SENP7: variants seen among roughly 807,000 people sequenced by gnomAD.
SENP7 encodes the protein SUMO specific peptidase 7.
SENP7 carries 64 observed loss-of-function variants against 141.2 expected under a neutral mutation model. The ratio of observed to expected loss-of-function variants is 0.45; its 90% CI spans 0.37 to 0.56. The LOEUF (loss-of-function observed/expected upper bound fraction) is 0.56, where lower values mean the gene tolerates loss of function less well. Ranked by LOEUF, SENP7 falls within the 20% of genes least tolerant of loss-of-function variation. The pLI, the probability that SENP7 is intolerant of heterozygous loss-of-function variation, is 0.00. For missense variants in SENP7, 1,025 were observed against 1,212.2 expected, an observed-to-expected ratio of 0.85 and a Z score of 2.29; for synonymous variants, 382 against 426.4, an observed-to-expected ratio of 0.90 and a Z score of 1.28.
intron 3 of SENP7, among the ~76,000 whole-genome samples, chr3:101,485,562 G>C (rs1349652939): frequency 6.6e-6 from 1 of 152,136 alleles, no homozygotes; most frequent in Non-Finnish European, 1.5e-5. Flanking sequence ...AAAAGGGGGA[G>C]AGTACTACAT....
At chr3:101,452,918 GTGAACAGGCAACCTACAGAA>G (rs1182743699) in intron 4 of SENP7, among the ~76,000 whole-genome samples, 1 of 152,184 alleles carries the variant, frequency 6.6e-6, no homozygotes, top group African/African-American at 2.4e-5. Flanking sequence ...TACCATCAGA[GTGAACAGGCAACCTACAGAA>G]TGGGAGAAAA....
chr3:101,506,135 T>C (rs1438997610), intron 1 of SENP7, among the ~76,000 whole-genome samples: 1 of 151,534 alleles, frequency 6.6e-6, no homozygotes, highest in Admixed American at 6.6e-5. Context: ...ATTCTCCCGC[T>C]TCAGCCTCCC....
intron 11 of SENP7, among the ~76,000 whole-genome samples, chr3:101,353,920 ATTAAT>A (rs1218367079): frequency 6.6e-6 from 1 of 152,012 alleles, no homozygotes; most frequent in African/African-American, 2.4e-5. Flanking sequence ...TGGAGAATAA[ATTAAT>A]TTAATTCTCT....
At chr3:101,446,357 A>G (rs1301533020) in intron 4 of SENP7, among the ~76,000 whole-genome samples, 1 of 152,180 alleles carries the variant, frequency 6.6e-6, no homozygotes, top group African/African-American at 2.4e-5. Flanking sequence ...CTCTTTGAAC[A>G]CTAAACAGAT....
rs2058963316 is a variant in SENP7, at chr3:101,328,499, T to A, written c.2843A>T (p.Asn948Ile). The change falls in exon 22 of 24, where the codon AAC becomes ATC. Residue 948 changes from asparagine to isoleucine, a missense_variant. Asn to Ile is a moderately radical substitution (Grantham distance 149). Transcript: ENST00000394095. ...TTACTCTCGTAAATTCTGAACTGTG[T>A]TTTGTACAGAAGCAGCTTTCAAGGA... is the stretch of plus-strand genomic sequence containing the variant. ...LDSLKAASVQNTVQNLREYLE... is the reference protein window; with the variant it reads ...LDSLKAASVQITVQNLREYLE... The A allele has an allele frequency of 6.2e-7, 1 of 1,612,426 alleles. No homozygotes were observed. The highest frequency in any genetic ancestry group is 8.5e-7 in the Non-Finnish European group (1 of 1,179,018).
intron 5 of SENP7, among the ~76,000 whole-genome samples, chr3:101,407,329 G>C (rs934049890): frequency 6.6e-6 from 1 of 152,052 alleles, no homozygotes; most frequent in Non-Finnish European, 1.5e-5. Flanking sequence ...CAGCAACACA[G>C]TAATAGTAGG....
At chr3:101,441,022 C>T (rs1432698496) in intron 4 of SENP7, among the ~76,000 whole-genome samples, 4 of 152,094 alleles carry the variant, frequency 2.6e-5, no homozygotes, top group Non-Finnish European at 4.4e-5. Context: ...GAGGCCTGCC[C>T]AGCTCACCAC....
At position 101,347,901 on chromosome 3, in the gene SENP7, T is replaced by C. The variant is rs1277369714; in HGVS notation, c.1808A>G (p.Gln603Arg). The C allele has an allele frequency of 4.4e-6, 7 of 1,594,870 alleles. No individual in the cohort carries two copies. Among genetic ancestry groups the C allele is most frequent in the Non-Finnish European group, 5.1e-6 (6 of 1,168,610 alleles). The change falls in exon 13 of 24, where the codon CAA (glutamine) becomes CGA (arginine). Residue 603 changes from glutamine to arginine, a missense_variant. By Grantham distance (43) the Gln-to-Arg change is conservative. Around this residue, in one of 4 missense-constraint regions of SENP7, gnomAD observed 228 missense variants for 228.5 expected, o/e 1.00. Coordinates refer to ENST00000394095, the MANE Select transcript of SENP7 (RefSeq NM_020654.5). ...CTGGCTTAATACAGAGTGTTCTAAT[T>C]GGGTCTGAATCTCTTGAAGATAATC... ...SSDYLQEIQT[Q>R]LEHSVLSQQS...
intron 5 of SENP7, among the ~76,000 whole-genome samples, chr3:101,408,589 C>A (rs2061369795): frequency 6.6e-6 from 1 of 152,136 alleles, no homozygotes. Flanking sequence ...CCACCATGAT[C>A]ACATAGGTTT....
intron 20 of SENP7, 88 bp downstream of exon 20, chr3:101,330,246 T>C (rs2059013229): frequency 1.4e-5 from 13 of 939,724 alleles, no homozygotes; most frequent in Admixed American, 6.1e-5. Context: ...TGGGCCAGCA[T>C]AGCCCACCTA....
At chr3:101,418,683 C>A (rs1466976404) in intron 4 of SENP7, among the ~76,000 whole-genome samples, 4 of 146,056 alleles carry the variant, frequency 2.7e-5, no homozygotes, top group African/African-American at 2.5e-5. Flanking sequence ...CGGGAACTCT[C>A]AAAAAAAAAA....
intron 4 of SENP7, among the ~76,000 whole-genome samples, chr3:101,428,465 T>G (rs947136249): frequency 6.6e-6 from 1 of 152,272 alleles, no homozygotes; most frequent in Non-Finnish European, 1.5e-5. Context: ...GAGAATTTTT[T>G]TCAGAAGTTT....
intron 4 of SENP7, among the ~76,000 whole-genome samples, chr3:101,430,622 T>C (rs1000877252): frequency 7.9e-5 from 12 of 152,210 alleles, no homozygotes; most frequent in African/African-American, 2.7e-4. Context: ...ATTTTGTTGA[T>C]CTTTTCAAAA....
At chr3:101,449,248 G>A (rs1158348189) in intron 4 of SENP7, among the ~76,000 whole-genome samples, 3 of 152,158 alleles carry the variant, frequency 2.0e-5, no homozygotes, top group Admixed American at 2.0e-4. Context: ...CGTCTGATTG[G>A]TGTACCTGAA....
intron 4 of SENP7, among the ~76,000 whole-genome samples, chr3:101,431,382 T>C (rs1373609089): frequency 1.3e-5 from 2 of 152,258 alleles, no homozygotes; most frequent in South Asian, 2.1e-4. Context: ...GGTGCATATA[T>C]ATTTAGGATA....
At chr3:101,385,480 T>G (rs1174755162) in intron 6 of SENP7, among the ~76,000 whole-genome samples, 12 of 152,142 alleles carry the variant, frequency 7.9e-5, no homozygotes, top group African/African-American at 2.7e-4. Flanking sequence ...AAGCAGGTGG[T>G]CCTATCCATC....
chr3:101,452,703 C>T (rs2063189184), intron 4 of SENP7, among the ~76,000 whole-genome samples: 6 of 152,158 alleles, frequency 3.9e-5, no homozygotes, highest in Admixed American at 3.9e-4. Context: ...ACACCTTACA[C>T]AAAAATTAAT....
At chr3:101,328,819 G>A (rs1193264260) in intron 20 of SENP7, 130 bp from the exon 21 acceptor site, 3 of 686,726 alleles carry the variant, frequency 4.4e-6, no homozygotes, top group South Asian at 3.8e-5. Flanking sequence ...ATCATCAAAA[G>A]TGAGCTAACT....
intron 16 of SENP7, among the ~76,000 whole-genome samples, chr3:101,338,306 C>G (rs924576783): frequency 8.6e-5 from 13 of 152,018 alleles, no homozygotes; most frequent in African/African-American, 2.9e-4. Context: ...AAATATTAAT[C>G]AAATAATCAT....
Sources: allele counts gnomAD v4.1 joint callset (sites outside exome capture counted in the v4.1 genomes callset), GRCh38; gene constraint gnomAD v4.1.1; regional missense constraint gnomAD v4.1.1; transcripts MANE v1.5; gene names NCBI Gene and HGNC (gene_info 2026-07-23, HGNC 2026-07-21).